The following ERAP2 variants were observed in gnomAD, a reference collection of about 807,000 sequenced individuals.
ERAP2 encodes the protein leukocyte-derived arginine aminopeptidase.
ERAP2 carries 118 observed loss-of-function variants against 111.1 expected under a neutral mutation model. The observed-to-expected ratio is 1.06, with a 90% CI of 0.92 to 1.24. The LOEUF (loss-of-function observed/expected upper bound fraction) is 1.24, where lower values mean the gene tolerates loss of function less well. Ranked by LOEUF, ERAP2 falls within the 50% of genes most tolerant of loss-of-function variation. ERAP2 has a pLI of 0.00. For synonymous variants in ERAP2, 410 were observed against 401.2 expected (o/e 1.02, Z -0.26); for missense variants, 1,131 against 1,125.8 (o/e 1.00, Z -0.07).
intron 15 of ERAP2, among the ~76,000 whole-genome samples, chr5:96,911,899 GA>G (rs1306919292): frequency 8.9e-6 from 1 of 112,240 alleles, no homozygotes; most frequent in African/African-American, 3.3e-5. Flanking sequence ...AGAAAGAAAA[GA>G]AAAAAATGGC....
At chr5:96,900,000 C>A in intron 9 of ERAP2, 121 bp from the exon 10 acceptor site, 1 of 1,177,442 alleles carries the variant, frequency 8.5e-7, no homozygotes, top group Non-Finnish European at 1.2e-6. Context: ...TGTTCATTAT[C>A]ATGTCTGGAT....
rs776664564 is a variant in ERAP2, at chr5:96,903,370, C to G, written c.1829-7C>G. 1.9e-6 allele frequency: 3 copies of G among 1,603,832 alleles called. No homozygotes were observed. The highest frequency in any genetic ancestry group is 2.6e-6 in the Non-Finnish European group (3 of 1,175,590). On this transcript the variant is annotated splice_region_variant and splice_polypyrimidine_tract_variant and intron_variant, in intron 12 of 18. Coordinates refer to ENST00000437043, the MANE Select transcript of ERAP2 (RefSeq NM_022350.5). ...ATAAAATGCCTATGCCAATCTTATCCTCTTAGATACTCTGGATCTACCTGA... is the reference window on the plus strand; with the variant it reads ...ATAAAATGCCTATGCCAATCTTATCGTCTTAGATACTCTGGATCTACCTGA...
intron 1 of ERAP2, among the ~76,000 whole-genome samples, chr5:96,879,000 G>A (rs979906565): frequency 6.6e-6 from 1 of 152,080 alleles, no homozygotes; most frequent in Admixed American, 6.5e-5. Context: ...AACAGTTTGG[G>A]AGGATTGCTT....
intron 2 of ERAP2, among the ~76,000 whole-genome samples, chr5:96,881,823 C>T (rs543708502): frequency 1.3e-5 from 2 of 152,304 alleles, no homozygotes; most frequent in African/African-American, 2.4e-5. Flanking sequence ...ATCTAACACT[C>T]TTTACAAAGA....
At chr5:96,915,336 T>C (rs539466719) in intron 17 of ERAP2, among the ~76,000 whole-genome samples, 5 of 152,278 alleles carry the variant, frequency 3.3e-5, no homozygotes, top group Middle Eastern at 3.4e-3. Context: ...AAAATATGTA[T>C]ATTGGGAAGT....
At chr5:96,884,072 ATC>A (rs1340238114) in intron 3 of ERAP2, 142 bp downstream of exon 3, 1 of 556,178 alleles carries the variant, frequency 1.8e-6, no homozygotes, top group African/African-American at 2.1e-5. Context: ...CTATCTATCT[ATC>A]TATCTATCAT....
intron 18 of ERAP2, among the ~76,000 whole-genome samples, chr5:96,917,142 T>C (rs1020896014): frequency 6.6e-6 from 1 of 152,230 alleles, no homozygotes; most frequent in African/African-American, 2.4e-5. Flanking sequence ...TGCCTCGCTC[T>C]GTCAGCCAGG....
intron 4 of ERAP2, among the ~76,000 whole-genome samples, chr5:96,887,303 C>CTTTTT (rs34313928): frequency 7.3e-6 from 1 of 137,542 alleles, no homozygotes. Flanking sequence ...TTGTTTCCGA[C>CTTTTT]TTTTTTTTTT....
chr5:96,911,293 C>A (rs1297093528), intron 15 of ERAP2, among the ~76,000 whole-genome samples: 1 of 152,188 alleles, frequency 6.6e-6, no homozygotes, highest in Non-Finnish European at 1.5e-5. Context: ...ATGCAAATTT[C>A]TGGCTCCCTC....
intron 2 of ERAP2, among the ~76,000 whole-genome samples, chr5:96,883,267 C>A (rs1581793616): frequency 6.6e-6 from 1 of 152,172 alleles, no homozygotes. Context: ...CTCCCTTTTC[C>A]CTGTCCTGCT....
intron 6 of ERAP2, among the ~76,000 whole-genome samples, chr5:96,894,346 T>C (rs1784658831): frequency 6.6e-6 from 1 of 152,210 alleles, no homozygotes; most frequent in Non-Finnish European, 1.5e-5. Context: ...TGTAAAGTAA[T>C]CTGAAGACTG....
intron 13 of ERAP2, among the ~76,000 whole-genome samples, chr5:96,906,331 A>G (rs1314530343): frequency 6.6e-6 from 1 of 151,908 alleles, no homozygotes; most frequent in East Asian, 1.9e-4. Flanking sequence ...CAGTGGTGCG[A>G]TCATGGCTCA....
intron 16 of ERAP2, 56 bp from the exon 17 acceptor site, chr5:96,913,261 A>G (rs1202695021): frequency 7.1e-7 from 1 of 1,408,286 alleles, no homozygotes; most frequent in Non-Finnish European, 9.8e-7. Context: ...GGCTTGAGTT[A>G]ATGTCCATGT....
At chr5:96,887,598 C>T (rs7721944) in intron 4 of ERAP2, among the ~76,000 whole-genome samples, 83,450 of 151,942 alleles carry the variant, frequency 0.55, 22,946 homozygotes, top group Admixed American at 0.6. Flanking sequence ...CCGTGCCCGA[C>T]AGTTTCCAAC....
At chr5:96,900,242 T>C (rs779776525) in intron 10 of ERAP2, 53 bp downstream of exon 10, 4 of 1,609,382 alleles carry the variant, frequency 2.5e-6, no homozygotes, top group Admixed American at 1.7e-5. Context: ...TAGCCTGACC[T>C]AGAGTGAGTA....
intron 6 of ERAP2, 137 bp downstream of exon 6, chr5:96,892,590 A>G: frequency 1.1e-6 from 1 of 920,666 alleles, no homozygotes; most frequent in Non-Finnish European, 1.6e-6. Context: ...ACCTAACACA[A>G]CGTCAAGTAG....
chr5:96,887,811 G>A (rs1053862690), intron 4 of ERAP2, among the ~76,000 whole-genome samples: 1 of 152,146 alleles, frequency 6.6e-6, no homozygotes, highest in Non-Finnish European at 1.5e-5. Flanking sequence ...TTTTTAAAGA[G>A]TTATAAAATA....
At chr5:96,880,601 C>T (rs188935243) in intron 2 of ERAP2, among the ~76,000 whole-genome samples, 1 of 152,218 alleles carries the variant, frequency 6.6e-6, no homozygotes, top group East Asian at 1.9e-4. Flanking sequence ...CATCTGGGAC[C>T]AGAAGGAAAT....
At chr5:96,898,060 G>C (rs1350627022) in intron 9 of ERAP2, among the ~76,000 whole-genome samples, 3 of 152,118 alleles carry the variant, frequency 2.0e-5, no homozygotes, top group African/African-American at 7.2e-5. Context: ...GCTTGGCATG[G>C]TGGTGCTTGC....
Sources: allele counts gnomAD v4.1 joint callset (sites outside exome capture counted in the v4.1 genomes callset), GRCh38; gene constraint gnomAD v4.1.1; transcripts MANE v1.5; gene names NCBI Gene and HGNC (gene_info 2026-07-23, HGNC 2026-07-21).